The following BZW1 variants were observed in gnomAD, a reference collection of about 807,000 sequenced individuals.
The protein encoded by BZW1 is basic leucine zipper and W2 domains 1, also known as eIF5-mimic protein 2.
Under a neutral mutation model 54.1 loss-of-function variants are expected in BZW1, and 3 were observed. The observed-to-expected ratio is 0.06, with a 90% CI of 0.03 to 0.14. The LOEUF is 0.14. Ranked by LOEUF, BZW1 falls within the 10% of genes least tolerant of loss-of-function variation. The pLI, the probability that BZW1 is intolerant of heterozygous loss-of-function variation, is 1.00. For synonymous variants in BZW1, 152 were observed against 162.7 expected (o/e 0.93, Z 0.50); for missense variants, 206 against 491.7 (o/e 0.42, Z 5.50).
Position 200,814,809 on chromosome 2 carries a change from T to A in BZW1, c.65-532T>A, listed in dbSNP as rs148795554. Among the ~76,000 whole-genome samples, 59 of 152,314 alleles carry A rather than the reference T, an allele frequency of 3.9e-4. 1 individual carries two copies. The highest frequency in any genetic ancestry group is 1.4e-3 in the African/African-American group (59 of 41,554). ...TTTCTCTGACTCTCAGTTTTCCTTC[T>A]GAATAATAGGGGGAAAAATCTGCCT... On this transcript the variant is annotated intron_variant, in intron 2 of 11. Transcript: ENST00000409600.
Position 200,812,294 on chromosome 2 carries a change from G to A in BZW1, c.-11+304G>A, listed in dbSNP as rs547831428. On this transcript the variant is annotated intron_variant, in intron 1 of 11. Transcript: ENST00000409600. ...CGGCCTGGCTAACAAAGCCGCCGCG[G>A]CCTCTGTTGTGTGATGTACGCGTGG... is the stretch of plus-strand genomic sequence containing the variant. The A allele has an allele frequency of 3.3e-4, 409 of 1,233,262 alleles. 1 individual carries two copies. In the African/African-American group the frequency reaches 5.9e-3, roughly 18 times the overall value. The allele number at this position is 1,233,262 out of a possible 1,614,324, so 76.4% of individuals were successfully genotyped here.
chr2:200,813,053 A>G (rs978237242), intron 1 of BZW1, 155 bp from the exon 2 acceptor site: 7 of 697,676 alleles, frequency 1.0e-5, no homozygotes, highest in Non-Finnish European at 1.8e-5. Flanking sequence ...AAGTGCAGGT[A>G]ATTCTTTGTG....
intron 9 of BZW1, 72 bp downstream of exon 9, chr2:200,818,973 T>C: frequency 2.1e-6 from 3 of 1,461,828 alleles, no homozygotes; most frequent in Non-Finnish European, 2.7e-6. Context: ...GTGACTATAT[T>C]TTTCTAAGAG....
chr2:200,812,275 G>T, intron 1 of BZW1: 1 of 1,232,562 alleles, frequency 8.1e-7, no homozygotes, highest in Non-Finnish European at 1.0e-6. Flanking sequence ...TGCCCGGCCT[G>T]GCTAACAAAG....
At chr2:200,822,003 A>G in intron 11 of BZW1, 144 bp from the exon 12 acceptor site, 2 of 683,470 alleles carry the variant, frequency 2.9e-6, no homozygotes, top group Non-Finnish European at 5.1e-6. Context: ...CGGGAGGCAG[A>G]GGTTGCAGTG....
intron 1 of BZW1, chr2:200,812,901 G>A (rs868785271): frequency 3.0e-6 from 2 of 657,574 alleles, no homozygotes; most frequent in Non-Finnish European, 2.9e-6. Context: ...TGAATGTAAA[G>A]AGGAATGTGG....
intron 5 of BZW1, 57 bp from the exon 6 acceptor site, chr2:200,817,049 C>G (rs2038321020): frequency 6.3e-7 from 1 of 1,577,290 alleles, no homozygotes; most frequent in Non-Finnish European, 8.6e-7. Context: ...TGCTTTACTG[C>G]TTCTCTTATT....
chr2:200,818,199 T>C, intron 7 of BZW1, 24 bp from the exon 8 acceptor site: 1 of 1,539,018 alleles, frequency 6.5e-7, no homozygotes, highest in South Asian at 1.2e-5. Context: ...AAAGAAAGTT[T>C]AACCAGATAA....
intron 1 of BZW1, chr2:200,812,631 G>A (rs2038119501): frequency 3.0e-6 from 4 of 1,314,412 alleles, no homozygotes; most frequent in Non-Finnish European, 3.1e-6. Context: ...CCGGGGAGGA[G>A]GCTAGGACTG....
intron 2 of BZW1, among the ~76,000 whole-genome samples, chr2:200,814,357 A>G (rs183044606): frequency 8.5e-5 from 13 of 152,310 alleles, no homozygotes; most frequent in African/African-American, 2.9e-4. Flanking sequence ...AGGGTATACA[A>G]CACTCCCTGT....
At chr2:200,815,912 T>C in intron 4 of BZW1, 151 bp downstream of exon 4, 1 of 756,584 alleles carries the variant, frequency 1.3e-6, no homozygotes, top group Non-Finnish European at 2.0e-6. Flanking sequence ...CGGGATGAAT[T>C]AGAAACTTAA....
chr2:200,823,451 TA>T lies in BZW1; in HGVS notation c.*1274del, dbSNP rs1468228094. ...GGGGGGAAAATGTAGCCACATTTTT[TA>T]TGGGAAGACTTTGTGTTAAAAGTGA... On this transcript the variant is annotated 3_prime_UTR_variant, in exon 12 of 12. Coordinates refer to ENST00000409600, the MANE Select transcript of BZW1 (RefSeq NM_001207067.2). 1 of 150,136 alleles carries T rather than the reference TA, an allele frequency of 6.7e-6. No homozygotes were observed. Among genetic ancestry groups the T allele is most frequent in the African/African-American group, 2.4e-5 (1 of 40,862 alleles). The allele number at this position is 150,136 out of a possible 1,614,324, so 9.3% of individuals were successfully genotyped here.
chr2:200,819,899 C>T, intron 9 of BZW1, 83 bp from the exon 10 acceptor site: 2 of 1,230,926 alleles, frequency 1.6e-6, no homozygotes, highest in Non-Finnish European at 1.1e-6. Flanking sequence ...GAGTTAAGTT[C>T]TATATTGTCT....
rs1471616056 is a variant in BZW1 at position 200,823,642 on chromosome 2, A to C, written c.*1464A>C. 6.6e-6 allele frequency: 1 copy of C among 152,594 alleles called. No homozygotes were observed. Among genetic ancestry groups the C allele is most frequent in the Non-Finnish European group, 1.5e-5 (1 of 68,026 alleles). 9.5% of individuals were successfully genotyped at this position (152,594 alleles called of 1,614,324 possible). On this transcript the variant is annotated 3_prime_UTR_variant, in exon 12 of 12. Transcript: ENST00000409600. Reference sequence around the variant, plus strand: ...GTAATATAATTTGAAATAAAGGTATAGTAACCTTAAAAAGAACATTATAAC... The same window carrying C: ...GTAATATAATTTGAAATAAAGGTATCGTAACCTTAAAAAGAACATTATAAC...
At position 200,827,092 on chromosome 2, in the gene BZW1, C is replaced by T. The variant is rs1308339668; in HGVS notation, c.*4914C>T. The T allele has an allele frequency of 6.6e-6, 1 of 152,112 alleles. No individual in the cohort carries two copies. Among genetic ancestry groups the T allele is most frequent in the Non-Finnish European group, 1.5e-5 (1 of 68,036 alleles). 9.4% of individuals were successfully genotyped at this position (152,112 alleles called of 1,614,324 possible). The stretch of plus-strand genomic sequence containing the variant: ...GCATTTGAAGAACAAAATATTTTCT[C>T]TGTAAATACACCTCATTTCCATTCT... On this transcript the variant is annotated 3_prime_UTR_variant, in exon 12 of 12. Transcript: ENST00000409600.
At chr2:200,814,239 G>T (rs2038205472) in intron 2 of BZW1, among the ~76,000 whole-genome samples, 1 of 152,218 alleles carries the variant, frequency 6.6e-6, no homozygotes, top group Non-Finnish European at 1.5e-5. Context: ...ACAAATAATA[G>T]CAAGTAGCTT....
Position 200,815,324 on chromosome 2 carries a change from G to T in BZW1, c.65-17G>T. ...AATCTTTTAAAACTAAATGTTTTGG[G>T]TCCCTTGTCCCCCCAGATGAAAAAG... On this transcript the variant is annotated splice_polypyrimidine_tract_variant and intron_variant, in intron 2 of 11. Transcript: ENST00000409600. 1 of 1,576,950 alleles carries T rather than the reference G, an allele frequency of 6.3e-7. No individual in the cohort carries two copies. The highest frequency in any genetic ancestry group is 8.6e-7 in the Non-Finnish European group (1 of 1,160,886).
At chr2:200,814,442 T>C (rs1219936777) in intron 2 of BZW1, among the ~76,000 whole-genome samples, 1 of 152,118 alleles carries the variant, frequency 6.6e-6, no homozygotes, top group Non-Finnish European at 1.5e-5. Flanking sequence ...TCAGAGGTGT[T>C]TGTCACCCTA....
intron 2 of BZW1, 72 bp from the exon 3 acceptor site, chr2:200,815,269 A>G (rs547146508): frequency 1.4e-6 from 2 of 1,420,050 alleles, no homozygotes; most frequent in East Asian, 4.6e-5. Flanking sequence ...TTGCATCTTC[A>G]TAAGGTGATA....
Sources: gnomAD v4.1 joint callset for allele counts (sites outside exome capture counted in the v4.1 genomes callset) on GRCh38, gnomAD v4.1.1 for gene constraint, MANE v1.5 for transcripts, NCBI Gene and HGNC (gene_info 2026-07-23, HGNC 2026-07-21) for gene names.